Variants in ADAMTS7 observed in about 807,000 individuals in gnomAD.
The protein encoded by ADAMTS7 is A disintegrin and metalloproteinase with thrombospondin motifs 7.
In ADAMTS7, 89 loss-of-function variants were observed where a neutral mutation model predicts 172.6. The ratio of observed to expected loss-of-function variants is 0.52; its 90% CI spans 0.43 to 0.61. The LOEUF is 0.61. Ranked by LOEUF, ADAMTS7 falls within the 20% of genes least tolerant of loss-of-function variation. The probability of loss-of-function intolerance (pLI) is 0.00; values close to 1 mark genes in which losing one functional copy is unlikely to be tolerated. For synonymous variants in ADAMTS7, 885 were observed against 978.4 expected, an observed-to-expected ratio of 0.90 and a Z score of 1.78; for missense variants, 1,973 against 2,355.6, an observed-to-expected ratio of 0.84 and a Z score of 3.36.
chr15:78,798,257 C>T (rs1162117462), intron 2 of ADAMTS7, 144 bp from the exon 3 acceptor site: 14 of 749,984 alleles, frequency 1.9e-5, no homozygotes, highest in Middle Eastern at 3.8e-4. Context: ...ACTTTCCTCC[C>T]GCTGGGCCTT....
chr15:78,761,360 T>C (rs2055040193), intron 23 of ADAMTS7, among the ~76,000 whole-genome samples: 1 of 152,136 alleles, frequency 6.6e-6, no homozygotes, highest in Admixed American at 6.5e-5. Context: ...AGACAGCCAA[T>C]AGCACAGGGG....
chr15:78,762,578 G>A lies in ADAMTS7; in HGVS notation c.4741-13C>T, dbSNP rs764087671. ...AGGGGCCTGAGCACTGAGGGGAGCG[G>A]GGGAGGAATGAGTGTCTCCAGGGCC... On this transcript the variant is annotated splice_polypyrimidine_tract_variant and intron_variant, in intron 22 of 23. Coordinates refer to ENST00000388820, the MANE Select transcript of ADAMTS7 (RefSeq NM_014272.5). 2.8e-6 allele frequency: 4 copies of A among 1,441,022 alleles called. No individual in the cohort carries two copies. In the South Asian group the frequency reaches 5.7e-5, roughly 21 times the overall value. 89.3% of individuals were successfully genotyped at this position (1,441,022 alleles called of 1,614,324 possible). A position where few individuals can be genotyped will look rare whatever the true frequency, so the allele number is the denominator to read the frequency against.
Position 78,767,361 on chromosome 15 carries a change from TTCCCA to T in ADAMTS7, c.2859+13_2859+17del. On this transcript the variant is annotated intron_variant, in intron 18 of 23. Transcript: ENST00000388820. The stretch of plus-strand genomic sequence containing the variant: ...AAGGGTGGAGCTGGAGGCGGGCCCC[TTCCCA>T]TCCCACACTCACCTGAGACCAGTTC... 6.2e-7 allele frequency: 1 copy of T among 1,609,476 alleles called. No homozygotes were observed. The highest frequency in any genetic ancestry group is 8.5e-7 in the Non-Finnish European group (1 of 1,178,594).
Position 78,764,022 on chromosome 15 carries a change from C to A in ADAMTS7, c.4497G>T (p.Arg1499=), listed in dbSNP as rs754182510. 6.5e-7 allele frequency: 1 copy of A among 1,541,146 alleles called. No homozygotes were observed. Among genetic ancestry groups the A allele is most frequent in the Admixed American group, 2.0e-5 (1 of 50,294 alleles). Residue 1499 remains arginine (R), a synonymous_variant, in exon 21 of 24, where the codon CGG becomes CGT. Coordinates refer to ENST00000388820, the MANE Select transcript of ADAMTS7 (RefSeq NM_014272.5). ...CAGGCCCGGGCTGACAATGGAAGGG[C>A]CGCAGTGGCCGGAGGTCCCGTGTGT... The part of the protein sequence containing the change: ...CVDTRDLRPL[R]PFHCQPGPAK...
Position 78,766,977 on chromosome 15 carries a change from G to C in ADAMTS7, c.2934C>G (p.Asp978Glu). The C allele has an allele frequency of 6.2e-7, 1 of 1,608,994 alleles. No homozygotes were observed. Among genetic ancestry groups the C allele is most frequent in the Non-Finnish European group, 8.5e-7 (1 of 1,178,384 alleles). Residue 978 changes from aspartate (D) to glutamate (E), a missense_variant, in exon 19 of 24, where the codon GAC becomes GAG. Physicochemically the swap from Asp to Glu is conservative, Grantham distance 45. Transcript: ENST00000388820. ...LCTNDTGVPC[D>E]EAQQPASEVT... ...CTTCGCTGGCTGGCTGCTGGGCCTC[G>C]TCACAGGGGACACCGGTGTCATTGG...
At chr15:78,790,849 G>A in intron 5 of ADAMTS7, 55 bp from the exon 6 acceptor site, 1 of 1,604,130 alleles carries the variant, frequency 6.2e-7, no homozygotes, top group Non-Finnish European at 8.5e-7. Context: ...AGAAGGTCAG[G>A]CCCAATTCTC....
intron 10 of ADAMTS7, 87 bp downstream of exon 10, chr15:78,776,660 CTG>C (rs2055350197): frequency 7.6e-7 from 1 of 1,318,596 alleles, no homozygotes; most frequent in Non-Finnish European, 1.1e-6. Context: ...ACAAGCAAGA[CTG>C]TGAGCCGGGG....
chr15:78,771,150 C>G lies in ADAMTS7; in HGVS notation c.2518+12G>C, dbSNP rs1271636303. ...CCCCTGCAGGTGGGGCTGTGCCTGC[C>G]CCACTTCTCACCTCTGCCGCAGGTG... On this transcript the variant is annotated intron_variant, in intron 16 of 23. Transcript: ENST00000388820. The surrounding 1 kb of genome is among the most constrained non-coding windows in gnomAD (Gnocchi z 4.9). 1 of 1,597,196 alleles carries G rather than the reference C, an allele frequency of 6.3e-7. No homozygotes were observed. The highest frequency in any genetic ancestry group is 2.3e-5 in the East Asian group (1 of 44,070).
At chr15:78,762,086 C>T in intron 23 of ADAMTS7, 1 of 985,074 alleles carries the variant, frequency 1.0e-6, no homozygotes, top group Non-Finnish European at 1.2e-6. Context: ...AAGACTGAGA[C>T]CTAGAGGAGA....
intron 13 of ADAMTS7, among the ~76,000 whole-genome samples, chr15:78,773,927 C>T (rs905478966): frequency 1.2e-4 from 18 of 152,170 alleles, no homozygotes; most frequent in Non-Finnish European, 7.4e-5. Flanking sequence ...TGGAAGGGTC[C>T]CCAGTGCCAG....
At chr15:78,777,618 G>C (rs761987146) in intron 8 of ADAMTS7, 30 bp from the exon 9 acceptor site, 1 of 1,586,620 alleles carries the variant, frequency 6.3e-7, no homozygotes. Flanking sequence ...ATGGAGGGGG[G>C]CGCAGCCTGT....
chr15:78,787,149 TG>T (rs2055512508), intron 8 of ADAMTS7, among the ~76,000 whole-genome samples: 1 of 152,104 alleles, frequency 6.6e-6, no homozygotes, highest in African/African-American at 2.4e-5. Context: ...TTAGCAGTTT[TG>T]GGCGAGTCGA....
intron 3 of ADAMTS7, 117 bp from the exon 4 acceptor site, chr15:78,796,903 G>A: frequency 1.0e-6 from 1 of 957,580 alleles, no homozygotes; most frequent in Non-Finnish European, 1.5e-6. Context: ...AGGGATCAGA[G>A]GCCAGGGGCC....
Position 78,800,275 on chromosome 15 carries a change from T to C in ADAMTS7, c.373A>G (p.Thr125Ala). 1.9e-6 allele frequency: 3 copies of C among 1,594,850 alleles called. No individual in the cohort carries two copies. The highest frequency in any genetic ancestry group is 1.1e-5 in the South Asian group (1 of 90,598). Residue 125 changes from threonine (T) to alanine (A), a missense_variant, in exon 2 of 24, where the codon ACC becomes GCC. Physicochemically the swap from Thr to Ala is moderately conservative, Grantham distance 58. Around this residue, in one of 8 missense-constraint regions of ADAMTS7, gnomAD observed 306 missense variants for 288.0 expected, o/e 1.06. Transcript: ENST00000388820. The part of the protein sequence containing the change: ...GLGRAHIRAH[T>A]PACHLLGEVQ... ...TCGCCAAGCAGGTGGCAGGCCGGGG[T>C]GTGGGCCCGGATGTGCGCGCGGCCC...
chr15:78,772,329 A>G (rs977806490), intron 14 of ADAMTS7, among the ~76,000 whole-genome samples: 19 of 152,196 alleles, frequency 1.2e-4, no homozygotes, highest in African/African-American at 4.6e-4. Context: ...GCAGACAGGG[A>G]TAGTAACGTA....
chr15:78,787,863 G>A (rs79404250), intron 8 of ADAMTS7, among the ~76,000 whole-genome samples: 2,621 of 152,150 alleles, frequency 0.017, 23 homozygotes, highest in Admixed American at 0.019. Flanking sequence ...GGGTTCCGCC[G>A]TTCCCTGAAA....
At chr15:78,765,250 A>C in intron 19 of ADAMTS7, 1 of 297,020 alleles carries the variant, frequency 3.4e-6, no homozygotes, top group African/African-American at 2.2e-5. Context: ...GGTCACTGCC[A>C]AAGGAGGGTG....
chr15:78,763,000 G>A (rs542674700), intron 22 of ADAMTS7, among the ~76,000 whole-genome samples: 1 of 152,318 alleles, frequency 6.6e-6, no homozygotes, highest in East Asian at 1.9e-4. Context: ...TTCACAGCCG[G>A]GGCCCAGCCC....
chr15:78,807,059 G>A (rs893053023), intron 1 of ADAMTS7, among the ~76,000 whole-genome samples: 2 of 152,208 alleles, frequency 1.3e-5, no homozygotes, highest in African/African-American at 4.8e-5. Flanking sequence ...GGGCCACCAT[G>A]CCCACCCTCC....
Sources: gnomAD v4.1 joint callset for allele counts (sites outside exome capture counted in the v4.1 genomes callset) on GRCh38, gnomAD v4.1.1 for gene constraint, gnomAD v4.1.1 regional missense constraint, Gnocchi (gnomAD v3.1) non-coding constraint, MANE v1.5 for transcripts, NCBI Gene and HGNC (gene_info 2026-07-23, HGNC 2026-07-21) for gene names.